PUS7: variants seen among roughly 807,000 people sequenced by gnomAD.
PUS7 encodes pseudouridylate synthase 7 homolog.
Under a neutral mutation model 79.8 loss-of-function variants are expected in PUS7, and 48 were observed. That is an observed-to-expected ratio of 0.60 (90% CI 0.48 to 0.76). The LOEUF is 0.76. Ranked by LOEUF, PUS7 falls within the 30% of genes least tolerant of loss-of-function variation. The pLI is 0.00. For missense variants in PUS7, 729 were observed against 797.6 expected, an observed-to-expected ratio of 0.91 and a Z score of 1.04; for synonymous variants, 286 against 272.2, an observed-to-expected ratio of 1.05 and a Z score of -0.50.
At chr7:105,465,575 A>G (rs182339576) in intron 12 of PUS7, among the ~76,000 whole-genome samples, 161 bp from the exon 13 acceptor site, 194 of 151,596 alleles carry the variant, frequency 1.3e-3, no homozygotes, top group African/African-American at 4.3e-3. Flanking sequence ...GCTCACACCT[A>G]TAATCCCAGC....
rs142786766 is a variant in PUS7 at position 105,493,377 on chromosome 7, G to A, written c.843-1760C>T. ...GCAATCCTCAACTCCCGATCTTGGA[G>A]GAACTCCCTCCCCACCCACCTATTC... is the stretch of plus-strand genomic sequence containing the variant. On this transcript the variant is annotated intron_variant, in intron 6 of 15. Transcript: ENST00000469408. Among the ~76,000 whole-genome samples, 560 of 152,356 alleles carry A rather than the reference G, an allele frequency of 3.7e-3. 6 individuals carry two copies. The highest frequency in any genetic ancestry group is 0.013 in the African/African-American group (539 of 41,576).
At chr7:105,496,218 T>TAGAGAGAGAGAG (rs1309951962) in intron 5 of PUS7, among the ~76,000 whole-genome samples, 1 of 81,840 alleles carries the variant, frequency 1.2e-5, no homozygotes, top group Non-Finnish European at 2.2e-5. Flanking sequence ...TATATATATA[T>TAGAGAGAGAGAG]ATATATATAG....
chr7:105,521,912 G>A (rs1312939014), intron 1 of PUS7, 140 bp downstream of exon 1: 1 of 148,408 alleles, frequency 6.7e-6, no homozygotes, highest in Non-Finnish European at 1.5e-5. Context: ...GAGGCGCCGC[G>A]GGCTCTGACC....
chr7:105,468,990 T>C (rs746624772), intron 11 of PUS7, among the ~76,000 whole-genome samples: 62 of 151,342 alleles, frequency 4.1e-4, no homozygotes, highest in Non-Finnish European at 6.3e-4. Flanking sequence ...TAGCCTCAAA[T>C]GCTCAGGCTC....
intron 7 of PUS7, among the ~76,000 whole-genome samples, chr7:105,484,378 G>A (rs1418722986): frequency 2.6e-5 from 4 of 152,036 alleles, no homozygotes; most frequent in Non-Finnish European, 5.9e-5. Flanking sequence ...ACTTTAGGAG[G>A]CCTAGATGGG....
intron 1 of PUS7, among the ~76,000 whole-genome samples, chr7:105,516,878 G>A (rs970471395): frequency 1.3e-5 from 2 of 152,016 alleles, no homozygotes; most frequent in Non-Finnish European, 2.9e-5. Flanking sequence ...AAGGTGAGAG[G>A]CCCAAGGAAA....
chr7:105,480,962 G>C, intron 9 of PUS7, 90 bp downstream of exon 9: 1 of 1,408,358 alleles, frequency 7.1e-7, no homozygotes, highest in Non-Finnish European at 9.6e-7. Flanking sequence ...AGACATGGGA[G>C]AACGTAGAAA....
chr7:105,479,447 G>C (rs900847063), intron 9 of PUS7, among the ~76,000 whole-genome samples: 5 of 152,150 alleles, frequency 3.3e-5, no homozygotes, highest in Non-Finnish European at 5.9e-5. Context: ...GGGTCTGAAA[G>C]ACAAGGAAGA....
intron 10 of PUS7, among the ~76,000 whole-genome samples, chr7:105,471,155 T>C (rs1488314370): frequency 6.6e-6 from 1 of 152,246 alleles, no homozygotes; most frequent in African/African-American, 2.4e-5. Context: ...TTTTCCATTG[T>C]AATGTCAAGT....
At chr7:105,518,914 G>A (rs900854139) in intron 1 of PUS7, among the ~76,000 whole-genome samples, 1 of 149,518 alleles carries the variant, frequency 6.7e-6, no homozygotes, top group African/African-American at 2.5e-5. Flanking sequence ...GATTACAGGC[G>A]CCCGCCACAA....
intron 7 of PUS7, among the ~76,000 whole-genome samples, chr7:105,484,443 C>T (rs766051652): frequency 5.9e-5 from 9 of 151,688 alleles, no homozygotes; most frequent in South Asian, 2.1e-4. Flanking sequence ...AGCAAGATCC[C>T]ATCTCTAAAA....
Position 105,505,936 on chromosome 7 carries a change from A to C in PUS7, c.585+19T>G. On this transcript the variant is annotated intron_variant, in intron 4 of 15. Transcript: ENST00000469408. ...ACTAAAACCCTAAATAATTTTTCAT[A>C]TATTTTTGCATTAGTTACCTCAATG... The C allele has an allele frequency of 1.3e-6, 2 of 1,566,768 alleles. No homozygotes were observed. The highest frequency in any genetic ancestry group is 1.7e-6 in the Non-Finnish European group (2 of 1,148,202).
chr7:105,495,036 C>A, intron 6 of PUS7, 106 bp downstream of exon 6: 13 of 479,768 alleles, frequency 2.7e-5, no homozygotes, highest in East Asian at 3.9e-5. Context: ...GGAGCATTTA[C>A]TATCTGTAAT....
chr7:105,501,396 G>A (rs1180377586), intron 5 of PUS7, among the ~76,000 whole-genome samples: 7 of 148,584 alleles, frequency 4.7e-5, no homozygotes, highest in Non-Finnish European at 1.0e-4. Flanking sequence ...TTTGGTAGGT[G>A]AAAAAAAAAA....
Position 105,456,713 on chromosome 7 carries a change from A to G in PUS7, c.*1077T>C, listed in dbSNP as rs1218578422. On this transcript the variant is annotated 3_prime_UTR_variant, in exon 16 of 16. Transcript: ENST00000469408. ...GAAATACCAAAGCCACTGGTGACAA[A>G]GGGTAAACGCTACTGATAGAAGAAA... 6.6e-6 allele frequency: 1 copy of G among 152,220 alleles called. No homozygotes were observed. Among genetic ancestry groups the G allele is most frequent in the Non-Finnish European group, 1.5e-5 (1 of 68,038 alleles). The allele number at this position is 152,220 out of a possible 1,614,324, so 9.4% of individuals were successfully genotyped here.
intron 5 of PUS7, among the ~76,000 whole-genome samples, chr7:105,500,980 A>G (rs1825223039): frequency 6.6e-6 from 1 of 152,210 alleles, no homozygotes; most frequent in Non-Finnish European, 1.5e-5. Flanking sequence ...TTTTCTTTAC[A>G]GTGTTCACTG....
In PUS7 at chr7:105,501,035, G is replaced by GT. The variant is rs1554349755; in HGVS notation, c.730+1384dup. 2.0e-4 allele frequency among the ~76,000 whole-genome samples: 31 copies of GT among 152,268 alleles called. 1 individual carries two copies. The highest frequency in any genetic ancestry group is 1.8e-3 in the Admixed American group (28 of 15,294). Reference sequence around the variant, plus strand: ...CACCTCTTCCTCTGGAACTGCTCAGGTATCTCATCTCTATAGCACTATCCA... The same window carrying GT: ...CACCTCTTCCTCTGGAACTGCTCAGGTTATCTCATCTCTATAGCACTATCCA... On this transcript the variant is annotated intron_variant, in intron 5 of 15. Coordinates refer to ENST00000469408, the MANE Select transcript of PUS7 (RefSeq NM_019042.5).
intron 6 of PUS7, among the ~76,000 whole-genome samples, chr7:105,494,543 A>G (rs1265322314): frequency 6.6e-6 from 1 of 151,246 alleles, no homozygotes; most frequent in Non-Finnish European, 1.5e-5. Flanking sequence ...CTGAGCAGCT[A>G]ACACTACAGG....
chr7:105,491,514 A>T, intron 7 of PUS7, 26 bp downstream of exon 7: 1 of 1,450,968 alleles, frequency 6.9e-7, no homozygotes, highest in Non-Finnish European at 9.6e-7. Context: ...TTACAGTATA[A>T]ATCCTGTTAC....
Sources: allele counts gnomAD v4.1 joint callset (sites outside exome capture counted in the v4.1 genomes callset), GRCh38; gene constraint gnomAD v4.1.1; transcripts MANE v1.5; gene names NCBI Gene and HGNC (gene_info 2026-07-23, HGNC 2026-07-21).